RFC3: variants seen among roughly 807,000 people sequenced by gnomAD.
The protein encoded by RFC3 is replication factor C subunit 3.
Under a neutral mutation model 45.1 loss-of-function variants are expected in RFC3, and 41 were observed. That is an observed-to-expected ratio of 0.91 (90% CI 0.71 to 1.18). The LOEUF (loss-of-function observed/expected upper bound fraction) is 1.18, where lower values mean the gene tolerates loss of function less well. RFC3 is among the 50% of genes most tolerant of loss of function. The pLI is 0.00. For missense variants in RFC3, 423 were observed against 428.1 expected, an observed-to-expected ratio of 0.99 and a Z score of 0.10; for synonymous variants, 149 against 144.0, an observed-to-expected ratio of 1.03 and a Z score of -0.25.
chr13:33,832,957 A>G (rs2082117874), intron 7 of RFC3, among the ~76,000 whole-genome samples: 1 of 152,142 alleles, frequency 6.6e-6, no homozygotes. Flanking sequence ...TGCTGTTACA[A>G]ATTTCTTCTG....
At chr13:33,950,052 C>CCTCT (rs946214935) in intron 8 of RFC3, among the ~76,000 whole-genome samples, 2 of 128,306 alleles carry the variant, frequency 1.6e-5, no homozygotes, top group Non-Finnish European at 3.3e-5. Flanking sequence ...TCTCTTTCTC[C>CCTCT]CTCTCTCTCT....
At chr13:33,893,989 C>T (rs1045856221) in intron 8 of RFC3, among the ~76,000 whole-genome samples, 3 of 151,982 alleles carry the variant, frequency 2.0e-5, no homozygotes, top group African/African-American at 7.2e-5. Context: ...AACAAAAAAC[C>T]CCAACTTTCC....
At chr13:33,942,809 A>G (rs2082933055) in intron 8 of RFC3, among the ~76,000 whole-genome samples, 2 of 152,108 alleles carry the variant, frequency 1.3e-5, no homozygotes, top group South Asian at 4.1e-4. Flanking sequence ...TGTAGTGAGT[A>G]GATTGAATTG....
chr13:33,930,757 T>C (rs1328202161), intron 8 of RFC3, among the ~76,000 whole-genome samples: 1 of 152,152 alleles, frequency 6.6e-6, no homozygotes, highest in East Asian at 1.9e-4. Flanking sequence ...GTTTTCTTAC[T>C]AATTATATGT....
At chr13:33,833,108 T>TG (rs910698726) in intron 7 of RFC3, among the ~76,000 whole-genome samples, 10 of 152,262 alleles carry the variant, frequency 6.6e-5, no homozygotes, top group Middle Eastern at 6.8e-3. Context: ...CAGAAAGCCT[T>TG]GGGGCTGGCC....
At chr13:33,905,783 C>G (rs1405844884) in intron 8 of RFC3, among the ~76,000 whole-genome samples, 1 of 151,730 alleles carries the variant, frequency 6.6e-6, no homozygotes, top group East Asian at 1.9e-4. Context: ...TGGTCATTTT[C>G]AAAAAATAAA....
chr13:33,927,828 T>A (rs2082823918), intron 8 of RFC3, among the ~76,000 whole-genome samples: 1 of 152,066 alleles, frequency 6.6e-6, no homozygotes, highest in South Asian at 2.1e-4. Flanking sequence ...GAGAAATAGG[T>A]TGATTTACAT....
chr13:33,831,317 A>G lies in RFC3; in HGVS notation c.772A>G (p.Thr258Ala). 1 of 1,610,538 alleles carries G rather than the reference A, an allele frequency of 6.2e-7. No homozygotes were observed. The highest frequency in any genetic ancestry group is 8.5e-7 in the Non-Finnish European group (1 of 1,176,718). Residue 258 changes from threonine (T) to alanine (A), a missense_variant, in exon 7 of 9, where the codon ACT becomes GCT. Transcript: ENST00000380071. ...AGATTGGGAGGTGTATCTGAGGGAG[A>G]CTGCAAATGCTATTGTCAGTCAGCA... ...ETDWEVYLRETANAIVSQQTP... is the reference protein window; with the variant it reads ...ETDWEVYLREAANAIVSQQTP...
At chr13:33,819,047 C>A (rs536414875) in intron 1 of RFC3, among the ~76,000 whole-genome samples, 8 of 151,982 alleles carry the variant, frequency 5.3e-5, no homozygotes, top group African/African-American at 1.9e-4. Flanking sequence ...CCCGCCACCA[C>A]GCACAGCTAA....
intron 8 of RFC3, among the ~76,000 whole-genome samples, chr13:33,940,121 G>A (rs894692296): frequency 6.6e-6 from 1 of 151,750 alleles, no homozygotes; most frequent in Non-Finnish European, 1.5e-5. Context: ...TTTTATTATG[G>A]GGGAGAGTTA....
chr13:33,825,009 G>T (rs3135569), intron 3 of RFC3, among the ~76,000 whole-genome samples: 10 of 152,118 alleles, frequency 6.6e-5, no homozygotes, highest in Non-Finnish European at 1.5e-4. Flanking sequence ...GGAAAACTTA[G>T]TGGCTCTTTG....
intron 8 of RFC3, among the ~76,000 whole-genome samples, chr13:33,913,935 A>G (rs887604647): frequency 1.3e-5 from 2 of 152,240 alleles, no homozygotes; most frequent in African/African-American, 4.8e-5. Flanking sequence ...AACCATAACC[A>G]TGTAATTTTA....
At chr13:33,874,257 C>T (rs1399187712) in intron 8 of RFC3, among the ~76,000 whole-genome samples, 3 of 152,172 alleles carry the variant, frequency 2.0e-5, no homozygotes, top group East Asian at 1.9e-4. Context: ...GCAGAGGCAG[C>T]GTGATGGGGA....
At chr13:33,928,844 A>G (rs1358650575) in intron 8 of RFC3, among the ~76,000 whole-genome samples, 2 of 146,958 alleles carry the variant, frequency 1.4e-5, no homozygotes, top group East Asian at 2.0e-4. Flanking sequence ...TGGGGGGGGA[A>G]GTGAAAACTA....
chr13:33,836,869 C>G lies in RFC3; in HGVS notation c.*574C>G. The stretch of plus-strand genomic sequence containing the variant: ...GGTTCAGATTAGTATTAGGTCGGTA[C>G]TAAGAAATAAGCATGTTTTCACTAA... On this transcript the variant is annotated 3_prime_UTR_variant, in exon 9 of 9. Transcript: ENST00000380071. 2.0e-6 allele frequency: 2 copies of G among 984,516 alleles called. No individual in the cohort carries two copies. Among genetic ancestry groups the G allele is most frequent in the Non-Finnish European group, 2.4e-6 (2 of 829,216 alleles). 61.0% of individuals were successfully genotyped at this position (984,516 alleles called of 1,614,324 possible). A position where few individuals can be genotyped will look rare whatever the true frequency, so the allele number is the denominator to read the frequency against.
At position 33,818,183 on chromosome 13, in the gene RFC3, G is replaced by A. The variant is rs769916582; in HGVS notation, c.5G>A (p.Ser2Asn). ...CCCCCGGGAACTCGAGCTGCCATGAGCCTCTGGGTGGACAAGTATCGGCCC... is the reference window on the plus strand; with the variant it reads ...CCCCCGGGAACTCGAGCTGCCATGAACCTCTGGGTGGACAAGTATCGGCCC... M[S>N]LWVDKYRPCS... is the part of the protein sequence containing the mutation. The change falls in exon 1 of 9, where the codon AGC (serine) becomes AAC (asparagine). Residue 2 changes from serine to asparagine, a missense_variant. Physicochemically the swap from Ser to Asn is conservative, Grantham distance 46. Coordinates refer to ENST00000380071, the MANE Select transcript of RFC3 (RefSeq NM_002915.4). 1.9e-5 allele frequency: 31 copies of A among 1,613,070 alleles called. No homozygotes were observed. The highest frequency in any genetic ancestry group is 4.5e-5 in the East Asian group (2 of 44,794).
chr13:33,834,928 A>G (rs2082139429), intron 7 of RFC3, among the ~76,000 whole-genome samples: 1 of 152,202 alleles, frequency 6.6e-6, no homozygotes, highest in African/African-American at 2.4e-5. Flanking sequence ...AACTGAAGTT[A>G]GGAGAAGCCT....
intron 8 of RFC3, among the ~76,000 whole-genome samples, chr13:33,870,029 A>C (rs2137562352): frequency 6.6e-6 from 1 of 152,348 alleles, no homozygotes; most frequent in African/African-American, 2.4e-5. Context: ...AATGGACAAA[A>C]TACCATGAGT....
chr13:33,879,253 T>C (rs1290670402), intron 8 of RFC3, among the ~76,000 whole-genome samples: 1 of 152,232 alleles, frequency 6.6e-6, no homozygotes, highest in African/African-American at 2.4e-5. Flanking sequence ...ATTATTGCTA[T>C]CATAAATGAA....
Sources: gnomAD v4.1 joint callset for allele counts (sites outside exome capture counted in the v4.1 genomes callset) on GRCh38, gnomAD v4.1.1 for gene constraint, MANE v1.5 for transcripts, NCBI Gene and HGNC (gene_info 2026-07-23, HGNC 2026-07-21) for gene names.